Variants in SLCO2A1 observed in about 807,000 individuals in gnomAD.
The protein encoded by SLCO2A1 is solute carrier organic anion transporter family member 2A1, also known as matrin F/G 1.
Under a neutral mutation model 71.7 loss-of-function variants are expected in SLCO2A1, and 60 were observed. That is an observed-to-expected ratio of 0.84 (90% CI 0.68 to 1.04). The LOEUF is 1.04. Ranked by LOEUF, SLCO2A1 falls within the 50% of genes least tolerant of loss-of-function variation. SLCO2A1 has a pLI of 0.00. For missense variants in SLCO2A1, 745 were observed against 813.4 expected (o/e 0.92, Z 1.02); for synonymous variants, 308 against 326.7 (o/e 0.94, Z 0.62).
In SLCO2A1 at chr3:133,979,598, G is replaced by T. The variant is rs1180128529; in HGVS notation, c.117C>A (p.Gly39=). The change falls in exon 2 of 14, where the codon GGC becomes GGA. Residue 39 remains glycine, a synonymous_variant. Coordinates refer to ENST00000310926, the MANE Select transcript of SLCO2A1 (RefSeq NM_005630.3). ...GNIKVFVLCQ[G]LLQLCQLLYS... ...ACAGGAGTTGGCAGAGCTGCAGGAG[G>T]CCTTGGCAGAGCACAAACACCTGGG... The T allele has an allele frequency of 6.2e-7, 1 of 1,613,140 alleles. No individual in the cohort carries two copies. The highest frequency in any genetic ancestry group is 1.7e-5 in the Admixed American group (1 of 59,910).
At chr3:133,995,338 C>A (rs1934942714) in intron 1 of SLCO2A1, among the ~76,000 whole-genome samples, 1 of 152,156 alleles carries the variant, frequency 6.6e-6, no homozygotes, top group Non-Finnish European at 1.5e-5. Flanking sequence ...AAAATTCAGG[C>A]AAAGCACCCC....
chr3:133,965,297 C>T (rs1371477569), intron 3 of SLCO2A1, among the ~76,000 whole-genome samples: 1 of 152,152 alleles, frequency 6.6e-6, no homozygotes, highest in Non-Finnish European at 1.5e-5. Context: ...TCCTGCTAGA[C>T]AAGATGAGGA....
chr3:133,985,788 T>G (rs1043177919), intron 1 of SLCO2A1, among the ~76,000 whole-genome samples: 4 of 152,226 alleles, frequency 2.6e-5, no homozygotes, highest in African/African-American at 4.8e-5. Flanking sequence ...CTCTAACTGA[T>G]AAGTCCAAGC....
chr3:134,005,776 C>T (rs1420171870), intron 1 of SLCO2A1, among the ~76,000 whole-genome samples: 3 of 152,038 alleles, frequency 2.0e-5, no homozygotes, highest in South Asian at 2.1e-4. Flanking sequence ...CTACCGTGCC[C>T]GGCCCATGTA....
chr3:134,013,634 T>C (rs1475237550), intron 1 of SLCO2A1, among the ~76,000 whole-genome samples: 2 of 152,178 alleles, frequency 1.3e-5, no homozygotes, highest in Admixed American at 1.3e-4. Context: ...CTAGTTCCAA[T>C]GTGAGGTCTG....
Position 133,933,273 on chromosome 3 carries a change from C to T in SLCO2A1, c.*1440G>A, listed in dbSNP as rs1933185287. On this transcript the variant is annotated 3_prime_UTR_variant, in exon 14 of 14. Transcript: ENST00000310926. ...ATGGCATGGATAGTCAGGTCAGGAT[C>T]CTTCATGCCAATCTGTGGCTTCTTG... The T allele has an allele frequency of 6.6e-6, 1 of 152,172 alleles. No individual in the cohort carries two copies. The highest frequency in any genetic ancestry group is 1.5e-5 in the Non-Finnish European group (1 of 68,092). 9.4% of individuals were successfully genotyped at this position (152,172 alleles called of 1,614,324 possible). A position where few individuals can be genotyped will look rare whatever the true frequency, so the allele number is the denominator to read the frequency against.
At chr3:134,026,615 G>A (rs1400477391) in intron 1 of SLCO2A1, among the ~76,000 whole-genome samples, 3 of 152,096 alleles carry the variant, frequency 2.0e-5, no homozygotes, top group East Asian at 1.9e-4. Context: ...CCCCATTTAC[G>A]TGATCAACTG....
At chr3:134,005,643 G>A (rs1355726457) in intron 1 of SLCO2A1, among the ~76,000 whole-genome samples, 2 of 151,704 alleles carry the variant, frequency 1.3e-5, no homozygotes, top group Non-Finnish European at 1.5e-5. Context: ...CACCACGCCC[G>A]GCTAATTTTT....
At position 133,945,177 on chromosome 3, in the gene SLCO2A1, C is replaced by T; in HGVS notation, c.1379G>A (p.Gly460Glu). Residue 460 changes from glycine (G) to glutamate (E), a missense_variant, in exon 10 of 14, where the codon GGA (glycine) becomes GAA (glutamate). Gly to Glu is a moderately conservative substitution (Grantham distance 98, BLOSUM62 -2). Coordinates refer to ENST00000310926, the MANE Select transcript of SLCO2A1 (RefSeq NM_005630.3). ...GGAGAGGTACTCGATTCCATTGTCTCCACAGACCGGGTGGAAGATAGAATC... is the reference window on the plus strand; with the variant it reads ...GGAGAGGTACTCGATTCCATTGTCTTCACAGACCGGGTGGAAGATAGAATC... Reference protein sequence around the residue: ...CPDSIFHPVCGDNGIEYLSPC... With the variant: ...CPDSIFHPVCEDNGIEYLSPC... 1 of 1,614,112 alleles carries T rather than the reference C, an allele frequency of 6.2e-7. No homozygotes were observed. The highest frequency in any genetic ancestry group is 1.3e-5 in the African/African-American group (1 of 75,046).
At chr3:134,013,093 G>A (rs1373139816) in intron 1 of SLCO2A1, among the ~76,000 whole-genome samples, 1 of 152,142 alleles carries the variant, frequency 6.6e-6, no homozygotes, top group East Asian at 1.9e-4. Context: ...AGTATAAACA[G>A]CAACACCTAG....
chr3:134,005,393 G>A (rs751873235), intron 1 of SLCO2A1, among the ~76,000 whole-genome samples: 2 of 151,756 alleles, frequency 1.3e-5, no homozygotes, highest in East Asian at 3.8e-4. Context: ...CTTTTAAAGA[G>A]CATGTAACTA....
chr3:133,964,117 A>G (rs768571439), intron 3 of SLCO2A1, among the ~76,000 whole-genome samples: 1 of 152,230 alleles, frequency 6.6e-6, no homozygotes, highest in Non-Finnish European at 1.5e-5. Context: ...TTGGAAAACT[A>G]GGAGAACATA....
Position 133,979,473 on chromosome 3 carries a change from C to T in SLCO2A1, c.234+8G>A, listed in dbSNP as rs747153224. ...GTGGAGTCTGATGGACCAGAACCTC[C>T]TGCTCACCTCATTCAAGCTGGAAAT... is the stretch of plus-strand genomic sequence containing the variant. On this transcript the variant is annotated splice_region_variant and intron_variant, in intron 2 of 13. Transcript: ENST00000310926. The T allele has an allele frequency of 1.4e-5, 23 of 1,614,084 alleles. No individual in the cohort carries two copies. In the Middle Eastern group the frequency reaches 4.9e-4, roughly 35 times the overall value.
chr3:133,991,787 T>C (rs567917212), intron 1 of SLCO2A1, among the ~76,000 whole-genome samples: 2 of 152,322 alleles, frequency 1.3e-5, no homozygotes, highest in African/African-American at 4.8e-5. Context: ...CTGCTCAGTG[T>C]AACTCTTCCG....
At chr3:133,957,651 G>A (rs764046517) in intron 3 of SLCO2A1, among the ~76,000 whole-genome samples, 12 of 152,166 alleles carry the variant, frequency 7.9e-5, no homozygotes, top group African/African-American at 2.4e-5. Flanking sequence ...GTAGGTGGCT[G>A]GGACCTTACA....
intron 9 of SLCO2A1, among the ~76,000 whole-genome samples, chr3:133,945,955 T>C (rs1277793206): frequency 1.3e-5 from 2 of 152,214 alleles, no homozygotes; most frequent in Non-Finnish European, 2.9e-5. Context: ...TATTTGCCTG[T>C]TGTGGATTAG....
At chr3:133,991,387 C>T (rs1454705977) in intron 1 of SLCO2A1, among the ~76,000 whole-genome samples, 5 of 152,186 alleles carry the variant, frequency 3.3e-5, no homozygotes, top group Non-Finnish European at 5.9e-5. Flanking sequence ...TGGCCCAATG[C>T]CCCAAAGGGG....
intron 1 of SLCO2A1, among the ~76,000 whole-genome samples, chr3:133,998,112 T>C (rs553176953): frequency 6.6e-6 from 1 of 152,152 alleles, no homozygotes; most frequent in Non-Finnish European, 1.5e-5. Context: ...GCAGGAGACA[T>C]GCCATGGGAT....
At chr3:133,983,660 T>G (rs949917117) in intron 1 of SLCO2A1, among the ~76,000 whole-genome samples, 1 of 152,140 alleles carries the variant, frequency 6.6e-6, no homozygotes, top group Non-Finnish European at 1.5e-5. Context: ...TCAGGAGCAG[T>G]GTGGGGCCCA....
Sources: allele counts gnomAD v4.1 joint callset (sites outside exome capture counted in the v4.1 genomes callset), GRCh38; gene constraint gnomAD v4.1.1; transcripts MANE v1.5; gene names NCBI Gene and HGNC (gene_info 2026-07-23, HGNC 2026-07-21).